ATXN10: variants seen among roughly 807,000 people sequenced by gnomAD.
ATXN10 encodes ataxin-10.
A neutral mutation model predicts 52.9 loss-of-function variants in ATXN10; 28 were observed. The ratio of observed to expected loss-of-function variants is 0.53; its 90% CI spans 0.39 to 0.73. The LOEUF is 0.73. Ranked by LOEUF, ATXN10 falls within the 30% of genes least tolerant of loss-of-function variation. The pLI, the probability that ATXN10 is intolerant of heterozygous loss-of-function variation, is 0.00. For synonymous variants in ATXN10, 226 were observed against 221.5 expected, an observed-to-expected ratio of 1.02 and a Z score of -0.18; for missense variants, 565 against 577.0, an observed-to-expected ratio of 0.98 and a Z score of 0.21.
chr22:45,770,572 G>A lies in ATXN10; in HGVS notation c.1173+30034G>A, dbSNP rs570200320. Among the ~76,000 whole-genome samples the A allele has an allele frequency of 6.7e-6, 1 of 150,350 alleles. No homozygotes were observed. Among genetic ancestry groups the A allele is most frequent in the African/African-American group, 2.4e-5 (1 of 41,450 alleles). On this transcript the variant is annotated intron_variant, in intron 9 of 11. Transcript: ENST00000252934. The surrounding 1 kb of genome is among the most constrained non-coding windows in gnomAD (Gnocchi z 4.5). ...AATGAGCTGGATGATAGGCAGACCT[G>A]GACTCTGGAGTCCTCCCAGAATGGA...
chr22:45,802,400 T>A (rs776161314), intron 9 of ATXN10, among the ~76,000 whole-genome samples: 1 of 152,232 alleles, frequency 6.6e-6, no homozygotes, highest in Non-Finnish European at 1.5e-5. Context: ...CTTGTAGTTA[T>A]AGCAGTAAAC....
At position 45,681,765 on chromosome 22, in the gene ATXN10, G is replaced by T. The variant is rs1388960055; in HGVS notation, c.117-7947G>T. On this transcript the variant is annotated intron_variant, in intron 1 of 11. Transcript: ENST00000252934. The surrounding 1 kb of genome is among the most constrained non-coding windows in gnomAD (Gnocchi z 4.2). Reference sequence around the variant, plus strand: ...ATGCTACCTGTCAGTCCCGCTGTTTGCCCTGGTCCCTTGACTCTCCTGCTC... The same window carrying T: ...ATGCTACCTGTCAGTCCCGCTGTTTTCCCTGGTCCCTTGACTCTCCTGCTC... 6.6e-6 allele frequency among the ~76,000 whole-genome samples: 1 copy of T among 152,096 alleles called. No individual in the cohort carries two copies. The highest frequency in any genetic ancestry group is 1.5e-5 in the Non-Finnish European group (1 of 68,024).
chr22:45,751,763 A>AAAAAAAATAAT, intron 9 of ATXN10, among the ~76,000 whole-genome samples: 3 of 66,628 alleles, frequency 4.5e-5, no homozygotes, highest in East Asian at 3.1e-4. Flanking sequence ...AATAAAAAAA[A>AAAAAAAATAAT]AATAATAATA....
intron 9 of ATXN10, among the ~76,000 whole-genome samples, chr22:45,806,398 G>A (rs941954877): frequency 4.3e-4 from 65 of 152,242 alleles, no homozygotes; most frequent in African/African-American, 1.5e-3. Flanking sequence ...ATTGTTGGTG[G>A]TGTTTAAATT....
chr22:45,769,308 ATTT>A lies in ATXN10; in HGVS notation c.1173+28773_1173+28775del, dbSNP rs1464502711. ...CATCCCCTCTCCCCCATACAGACAC[ATTT>A]TTGTTGTTATATTCATAGACACAAC... On this transcript the variant is annotated intron_variant, in intron 9 of 11. Transcript: ENST00000252934. The surrounding 1 kb of genome is among the most constrained non-coding windows in gnomAD (Gnocchi z 4.2). Among the ~76,000 whole-genome samples, 2 of 152,116 alleles carry A rather than the reference ATTT, an allele frequency of 1.3e-5. No homozygotes were observed. The highest frequency in any genetic ancestry group is 4.8e-5 in the African/African-American group (2 of 41,484).
chr22:45,782,351 A>G (rs1410685752), intron 9 of ATXN10, among the ~76,000 whole-genome samples: 4 of 152,330 alleles, frequency 2.6e-5, no homozygotes, highest in Non-Finnish European at 5.9e-5. Context: ...ACCAAAAGCC[A>G]TGAACACAAA....
chr22:45,714,314 G>C (rs951219000), intron 5 of ATXN10, among the ~76,000 whole-genome samples: 9 of 151,904 alleles, frequency 5.9e-5, no homozygotes, highest in Non-Finnish European at 1.0e-4. Context: ...CTAGATTAGG[G>C]ATATCACCCA....
At chr22:45,798,512 T>G (rs1431427621) in intron 9 of ATXN10, among the ~76,000 whole-genome samples, 2 of 152,166 alleles carry the variant, frequency 1.3e-5, no homozygotes, top group African/African-American at 4.8e-5. Flanking sequence ...ACTAACAGTA[T>G]AAAGGAACTT....
At position 45,820,923 on chromosome 22, in the gene ATXN10, C is replaced by T. The variant is rs1601667545; in HGVS notation, c.1237+13901C>T. On this transcript the variant is annotated intron_variant, in intron 10 of 11. Transcript: ENST00000252934. The surrounding 1 kb of genome is among the most constrained non-coding windows in gnomAD (Gnocchi z 4.9). ...GGGAAAAGCACGAATAGAAATGGTT[C>T]GAGTTTCTATGAGAAGGACCCAGCC... 2.0e-5 allele frequency among the ~76,000 whole-genome samples: 3 copies of T among 152,106 alleles called. No individual in the cohort carries two copies. The highest frequency in any genetic ancestry group is 1.9e-4 in the East Asian group (1 of 5,190).
chr22:45,806,915 G>A, intron 9 of ATXN10, 44 bp from the exon 10 acceptor site: 1 of 1,425,834 alleles, frequency 7.0e-7, no homozygotes, highest in South Asian at 1.1e-5. Context: ...TCTGACTATA[G>A]CCATGCTGTT....
intron 1 of ATXN10, chr22:45,676,384 T>C (rs547213533): frequency 2.0e-5 from 3 of 152,336 alleles, no homozygotes; most frequent in African/African-American, 7.2e-5. Context: ...TCTGTGCTGT[T>C]CATTAAGTAG....
chr22:45,793,464 C>A, intron 9 of ATXN10: 1 of 790,656 alleles, frequency 1.3e-6, no homozygotes. Context: ...ATCTTGAGGT[C>A]TTATTCCATT....
At chr22:45,773,803 C>T (rs920654254) in intron 9 of ATXN10, among the ~76,000 whole-genome samples, 1 of 151,986 alleles carries the variant, frequency 6.6e-6, no homozygotes, top group Non-Finnish European at 1.5e-5. Flanking sequence ...AAAATAATCA[C>T]AAGAAAAACA....
chr22:45,813,261 C>A (rs534072432), intron 10 of ATXN10, among the ~76,000 whole-genome samples: 169 of 150,462 alleles, frequency 1.1e-3, no homozygotes, highest in South Asian at 3.4e-3. Context: ...AACAGCTGAA[C>A]TTTATTTGAA....
intron 10 of ATXN10, among the ~76,000 whole-genome samples, chr22:45,817,318 C>CTTTTTTTTTTT (rs11326332): frequency 1.0e-5 from 1 of 98,710 alleles, no homozygotes. Context: ...ATTGATTTAA[C>CTTTTTTTTTTT]TTTTTTTTTT....
chr22:45,781,038 G>A lies in ATXN10; in HGVS notation c.1174-25921G>A, dbSNP rs1927132080. Among the ~76,000 whole-genome samples the A allele has an allele frequency of 6.6e-6, 1 of 152,202 alleles. No individual in the cohort carries two copies. The highest frequency in any genetic ancestry group is 1.5e-5 in the Non-Finnish European group (1 of 68,026). Reference sequence around the variant, plus strand: ...CAATGGGTGCAGACCAGAAAGCCCTGAGGAAAGCTCACTCTTTCTCCCTAA... The same window carrying A: ...CAATGGGTGCAGACCAGAAAGCCCTAAGGAAAGCTCACTCTTTCTCCCTAA... On this transcript the variant is annotated intron_variant, in intron 9 of 11. Transcript: ENST00000252934. This position sits in a 1 kb window ranked among gnomAD's most constrained non-coding sequence, Gnocchi z 4.2.
rs1310314625 is a variant in ATXN10 at position 45,732,101 on chromosome 22, A to G, written c.894+2511A>G. Among the ~76,000 whole-genome samples the G allele has an allele frequency of 6.6e-6, 1 of 152,040 alleles. No homozygotes were observed. The highest frequency in any genetic ancestry group is 1.5e-5 in the Non-Finnish European group (1 of 68,000). On this transcript the variant is annotated intron_variant, in intron 7 of 11. Coordinates refer to ENST00000252934, the MANE Select transcript of ATXN10 (RefSeq NM_013236.4). This position sits in a 1 kb window ranked among gnomAD's most constrained non-coding sequence, Gnocchi z 4.5. ...ACTTTTCATATTTAGGAAAACTTCT[A>G]TTTTTCCTTTGGACTTTTTTCTCTA... is the stretch of plus-strand genomic sequence containing the variant.
chr22:45,730,760 A>G (rs1361844659), intron 7 of ATXN10, among the ~76,000 whole-genome samples: 2 of 152,188 alleles, frequency 1.3e-5, no homozygotes, highest in African/African-American at 4.8e-5. Flanking sequence ...ATTTCTACTT[A>G]TTTTAGATAA....
At chr22:45,813,490 A>G (rs1194404246) in intron 10 of ATXN10, among the ~76,000 whole-genome samples, 3 of 148,590 alleles carry the variant, frequency 2.0e-5, no homozygotes, top group African/African-American at 7.5e-5. Flanking sequence ...CTAATTTGTA[A>G]GAAAACAAAA....
Sources: gnomAD v4.1 joint callset for allele counts (sites outside exome capture counted in the v4.1 genomes callset) on GRCh38, gnomAD v4.1.1 for gene constraint, Gnocchi (gnomAD v3.1) non-coding constraint, MANE v1.5 for transcripts, NCBI Gene and HGNC (gene_info 2026-07-23, HGNC 2026-07-21) for gene names.